CNTN5: variants seen among roughly 807,000 people sequenced by gnomAD.
CNTN5 encodes contactin 5, also known as contactin-5.
CNTN5 carries 77 observed loss-of-function variants against 129.1 expected under a neutral mutation model. That is an observed-to-expected ratio of 0.60 (90% confidence interval 0.50 to 0.72). The LOEUF (loss-of-function observed/expected upper bound fraction) is 0.72. Among genes scored for constraint, CNTN5 ranks in the 30% least tolerant of loss-of-function variants. CNTN5 has a pLI of 0.00. For synonymous variants in CNTN5, 509 were observed against 465.6 expected (o/e 1.09, Z -1.20); for missense variants, 1,478 against 1,328.8 (o/e 1.11, Z -1.75).
chr11:99,539,103 T>C (rs1381725733), intron 2 of CNTN5, among the ~76,000 whole-genome samples: 1 of 152,084 alleles, frequency 6.6e-6, no homozygotes. Flanking sequence ...GCTTTATTCA[T>C]AGATAACTTG....
intron 17 of CNTN5, among the ~76,000 whole-genome samples, chr11:100,258,927 TCAAATTTA>T (rs1950137062): frequency 6.6e-6 from 1 of 152,114 alleles, no homozygotes; most frequent in African/African-American, 2.4e-5. Context: ...AATAACAGGA[TCAAATTTA>T]CACATAACAA....
At position 100,040,756 on chromosome 11, in the gene CNTN5, G is replaced by C. The variant is rs182404347; in HGVS notation, c.981-20456G>C. Among the ~76,000 whole-genome samples the C allele has an allele frequency of 1.8e-3, 271 of 152,330 alleles. 3 individuals are homozygous for C. Among genetic ancestry groups the C allele is most frequent in the Non-Finnish European group, 6.8e-4 (46 of 68,026 alleles). On this transcript the variant is annotated intron_variant, in intron 9 of 24. Coordinates refer to ENST00000524871, the MANE Select transcript of CNTN5 (RefSeq NM_014361.4). ...TGCTAGCAATGAGCGAGACTCTGTG[G>C]GCGTAGGACCCTCCTAGCCAAGTGC...
At chr11:99,321,654 C>G (rs1432296581) in intron 1 of CNTN5, among the ~76,000 whole-genome samples, 3 of 152,000 alleles carry the variant, frequency 2.0e-5, no homozygotes, top group Non-Finnish European at 4.4e-5. Context: ...AAAGGGAAAC[C>G]CACACCTAAG....
At chr11:99,972,999 C>A (rs1173913875) in intron 8 of CNTN5, among the ~76,000 whole-genome samples, 1 of 151,720 alleles carries the variant, frequency 6.6e-6, no homozygotes. Context: ...TAAAAAGATA[C>A]ATATTTCTTT....
intron 3 of CNTN5, among the ~76,000 whole-genome samples, chr11:99,784,741 T>A (rs56352083): frequency 0.06 from 9,102 of 151,094 alleles, 344 homozygotes; most frequent in African/African-American, 0.099. Context: ...ATCTGTTGTT[T>A]CCTGACTTTT....
intron 3 of CNTN5, among the ~76,000 whole-genome samples, chr11:99,646,450 A>G (rs1392818556): frequency 6.6e-6 from 1 of 152,190 alleles, no homozygotes; most frequent in Non-Finnish European, 1.5e-5. Context: ...AATCTATCAG[A>G]ATATTCAATG....
intron 21 of CNTN5, among the ~76,000 whole-genome samples, chr11:100,321,521 T>C (rs1951696777): frequency 6.6e-6 from 1 of 152,174 alleles, no homozygotes; most frequent in Non-Finnish European, 1.5e-5. Context: ...AACTTCATCC[T>C]TTTCAATTCT....
intron 13 of CNTN5, among the ~76,000 whole-genome samples, chr11:100,104,174 A>G (rs1945334362): frequency 6.7e-6 from 1 of 149,322 alleles, no homozygotes. Flanking sequence ...CGCTCACTGC[A>G]ACTTCCGCCT....
At chr11:99,298,446 T>G (rs1864482639) in intron 1 of CNTN5, among the ~76,000 whole-genome samples, 1 of 152,188 alleles carries the variant, frequency 6.6e-6, no homozygotes, top group Non-Finnish European at 1.5e-5. Flanking sequence ...CCACTGGGAT[T>G]GGTCGACACT....
chr11:99,061,761 G>T lies in CNTN5; in HGVS notation c.-210+40491G>T, dbSNP rs373322153. Among the ~76,000 whole-genome samples, 12 of 152,162 alleles carry T rather than the reference G, an allele frequency of 7.9e-5. No individual in the cohort carries two copies. In the East Asian group the frequency reaches 2.3e-3, roughly 30 times the overall value. On this transcript the variant is annotated intron_variant, in intron 1 of 24. Transcript: ENST00000524871. ...TATCCCAGCACTTTGGGAGACTGAG[G>T]CTAGAGGACTGCTTGAAGCTAAGAG...
At chr11:99,943,269 C>T (rs1352199015) in intron 7 of CNTN5, among the ~76,000 whole-genome samples, 1 of 152,068 alleles carries the variant, frequency 6.6e-6, no homozygotes, top group Admixed American at 6.6e-5. Flanking sequence ...TTTTGATTTG[C>T]CCTTGTCTGA....
intron 3 of CNTN5, among the ~76,000 whole-genome samples, chr11:99,817,894 C>G (rs1393856389): frequency 1.3e-5 from 2 of 152,082 alleles, no homozygotes; most frequent in Non-Finnish European, 2.9e-5. Flanking sequence ...TTGTGGTTGA[C>G]CAGCAAAGAG....
At chr11:100,050,115 C>G (rs1409939874) in intron 9 of CNTN5, among the ~76,000 whole-genome samples, 1 of 152,060 alleles carries the variant, frequency 6.6e-6, no homozygotes, top group South Asian at 2.1e-4. Flanking sequence ...CCCAGCCATC[C>G]CATTACTGGC....
intron 1 of CNTN5, among the ~76,000 whole-genome samples, chr11:99,293,944 C>T (rs770527420): frequency 1.3e-5 from 2 of 151,648 alleles, no homozygotes; most frequent in Non-Finnish European, 2.9e-5. Flanking sequence ...TTCTTTCCTT[C>T]TACTAATTTT....
intron 2 of CNTN5, among the ~76,000 whole-genome samples, chr11:99,456,828 A>C (rs1944513403): frequency 6.6e-6 from 1 of 152,098 alleles, no homozygotes; most frequent in Non-Finnish European, 1.5e-5. Context: ...ATCATTTTAA[A>C]GTTGCAAGAA....
At chr11:99,365,174 T>A (rs1275836740) in intron 2 of CNTN5, among the ~76,000 whole-genome samples, 1 of 152,182 alleles carries the variant, frequency 6.6e-6, no homozygotes, top group Non-Finnish European at 1.5e-5. Context: ...TACTGTACAA[T>A]ATTCTTAATC....
At chr11:99,999,017 A>G (rs1939663246) in intron 8 of CNTN5, among the ~76,000 whole-genome samples, 1 of 152,194 alleles carries the variant, frequency 6.6e-6, no homozygotes, top group African/African-American at 2.4e-5. Flanking sequence ...AAGATGGAAT[A>G]AATACTTAAA....
intron 7 of CNTN5, among the ~76,000 whole-genome samples, chr11:99,941,286 C>T (rs1832377693): frequency 6.6e-6 from 1 of 151,942 alleles, no homozygotes; most frequent in African/African-American, 2.4e-5. Context: ...CCAGACAAAT[C>T]ATTTTAATTA....
chr11:99,214,166 C>G (rs1196428056), intron 1 of CNTN5, among the ~76,000 whole-genome samples: 2 of 151,872 alleles, frequency 1.3e-5, no homozygotes, highest in African/African-American at 4.8e-5. Context: ...ACAGATTTAT[C>G]CAAACTCTAA....
Sources: allele counts gnomAD v4.1 joint callset (sites outside exome capture counted in the v4.1 genomes callset), GRCh38; gene constraint gnomAD v4.1.1; transcripts MANE v1.5; gene names NCBI Gene and HGNC (gene_info 2026-07-23, HGNC 2026-07-21).